The following DYM variants were observed in gnomAD, a reference collection of about 807,000 sequenced individuals.
DYM encodes dymeclin.
In DYM, 78 loss-of-function variants were observed where a neutral mutation model predicts 93.1. The ratio of observed to expected loss-of-function variants is 0.84; its 90% CI spans 0.70 to 1.01. The LOEUF (loss-of-function observed/expected upper bound fraction) is 1.01, where lower values mean the gene tolerates loss of function less well. Among genes scored for constraint, DYM ranks in the 50% least tolerant of loss-of-function variants. The pLI, the probability that DYM is intolerant of heterozygous loss-of-function variation, is 0.00. For missense variants in DYM, 789 were observed against 845.0 expected (o/e 0.93, Z 0.82); for synonymous variants, 321 against 319.7 (o/e 1.00, Z -0.04).
intron 13 of DYM, among the ~76,000 whole-genome samples, chr18:49,244,942 C>A (rs1801711293): frequency 6.6e-6 from 1 of 152,098 alleles, no homozygotes; most frequent in South Asian, 2.1e-4. Flanking sequence ...AATCAGGGAC[C>A]CGGAACAGAG....
chr18:49,398,502 G>A (rs1306815853), intron 2 of DYM, among the ~76,000 whole-genome samples: 1 of 152,196 alleles, frequency 6.6e-6, no homozygotes, highest in Non-Finnish European at 1.5e-5. Flanking sequence ...ATAGTTTAGG[G>A]CTGTGGGAGG....
intron 15 of DYM, among the ~76,000 whole-genome samples, chr18:49,121,421 T>A (rs1471218999): frequency 1.3e-5 from 2 of 152,040 alleles, no homozygotes; most frequent in African/African-American, 4.8e-5. Context: ...AAGAAATGCA[T>A]TAATATACAT....
chr18:49,236,362 C>T (rs988869109), intron 13 of DYM, among the ~76,000 whole-genome samples: 2 of 151,990 alleles, frequency 1.3e-5, no homozygotes, highest in Admixed American at 1.3e-4. Context: ...CGCCTGTAGT[C>T]CTAGCTACTC....
intron 5 of DYM, chr18:49,368,788 C>G (rs1041750486): frequency 6.6e-6 from 1 of 152,076 alleles, no homozygotes; most frequent in African/African-American, 2.4e-5. Context: ...AAGGTGATTC[C>G]AAAGAAAGAG....
At chr18:49,272,818 T>C (rs2094742321) in intron 10 of DYM, among the ~76,000 whole-genome samples, 1 of 152,166 alleles carries the variant, frequency 6.6e-6, no homozygotes, top group African/African-American at 2.4e-5. Flanking sequence ...CTCTTCAGTA[T>C]ATCTATCAAA....
At chr18:49,080,960 G>A (rs1401839684) in intron 17 of DYM, among the ~76,000 whole-genome samples, 1 of 151,592 alleles carries the variant, frequency 6.6e-6, no homozygotes, top group African/African-American at 2.4e-5. Flanking sequence ...GCGGGGAAGA[G>A]GTGCTCCTCA....
Position 49,316,778 on chromosome 18 carries a change from C to A in DYM, c.763+15086G>T, listed in dbSNP as rs528705756. ...TTACTATCTCTCTTTTTTTTTTGCA[C>A]TTTCCAGAATGTCATATAATTTGAA... is the stretch of plus-strand genomic sequence containing the variant. On this transcript the variant is annotated intron_variant, in intron 8 of 17. Transcript: ENST00000675505. 1.7e-4 allele frequency among the ~76,000 whole-genome samples: 26 copies of A among 151,756 alleles called. No homozygotes were observed. The South Asian group carries it at 5.0e-3, about 29-fold the overall frequency.
chr18:49,334,663 T>C (rs2063538506), intron 6 of DYM, among the ~76,000 whole-genome samples: 1 of 152,190 alleles, frequency 6.6e-6, no homozygotes, highest in African/African-American at 2.4e-5. Flanking sequence ...AAAATATTTT[T>C]ATAAAAATGA....
intron 2 of DYM, among the ~76,000 whole-genome samples, chr18:49,402,865 G>A (rs185971057): frequency 1.3e-5 from 2 of 152,242 alleles, no homozygotes; most frequent in African/African-American, 4.8e-5. Flanking sequence ...AATGGAAAGC[G>A]ATCGATTTTT....
At chr18:49,271,978 T>C (rs1599032528) in intron 11 of DYM, among the ~76,000 whole-genome samples, 200 bp downstream of exon 11, 1 of 144,696 alleles carries the variant, frequency 6.9e-6, no homozygotes, top group Non-Finnish European at 1.5e-5. Context: ...TTTGAGAGAG[T>C]TTTTAATAGT....
At chr18:49,169,282 G>C (rs1174617016) in intron 14 of DYM, among the ~76,000 whole-genome samples, 3 of 152,212 alleles carry the variant, frequency 2.0e-5, no homozygotes, top group African/African-American at 4.8e-5. Flanking sequence ...CAATCACTTT[G>C]GGAGATGATG....
chr18:49,219,699 T>G (rs1282751333), intron 13 of DYM, among the ~76,000 whole-genome samples: 1 of 152,038 alleles, frequency 6.6e-6, no homozygotes, highest in Non-Finnish European at 1.5e-5. Context: ...TTTGACAAAA[T>G]TTAACAACAC....
At chr18:49,420,165 G>GTTTTT (rs58141815) in intron 2 of DYM, among the ~76,000 whole-genome samples, 2 of 109,018 alleles carry the variant, frequency 1.8e-5, no homozygotes, top group Non-Finnish European at 3.9e-5. Flanking sequence ...GTTAAAATTC[G>GTTTTT]TTTTTTTTTT....
At chr18:49,051,651 C>T (rs2072459044) in intron 17 of DYM, among the ~76,000 whole-genome samples, 1 of 152,202 alleles carries the variant, frequency 6.6e-6, no homozygotes, top group South Asian at 2.1e-4. Flanking sequence ...TGACAATAGA[C>T]ATTTTTAAAG....
At chr18:49,392,266 T>C (rs1599869737) in intron 2 of DYM, among the ~76,000 whole-genome samples, 1 of 151,936 alleles carries the variant, frequency 6.6e-6, no homozygotes, top group Admixed American at 6.6e-5. Context: ...AGAAAATATG[T>C]TTCTTGAGAT....
intron 2 of DYM, among the ~76,000 whole-genome samples, chr18:49,417,425 CA>C: frequency 6.6e-6 from 1 of 152,246 alleles, no homozygotes; most frequent in East Asian, 1.9e-4. Flanking sequence ...GCTGGGAATA[CA>C]GGGATGAACC....
In DYM at chr18:49,398,747, T is replaced by C. The variant is rs537584878; in HGVS notation, c.141-7102A>G. On this transcript the variant is annotated intron_variant, in intron 2 of 17. Transcript: ENST00000675505. ...TCTGGCATATAGTAAGTAAAACTGA[T>C]TTTTGTTGACAACCAGAAGACTTCT... is the stretch of plus-strand genomic sequence containing the variant. Among the ~76,000 whole-genome samples the C allele has an allele frequency of 7.2e-5, 11 of 152,312 alleles. No individual in the cohort carries two copies. The East Asian group carries it at 2.1e-3, about 29-fold the overall frequency.
chr18:49,162,631 C>T lies in DYM; in HGVS notation c.1728+1054G>A, dbSNP rs373957379. 1.7e-4 allele frequency among the ~76,000 whole-genome samples: 26 copies of T among 152,268 alleles called. No homozygotes were observed. In the South Asian group the frequency reaches 4.6e-3, roughly 27 times the overall value. ...ATGAGTTTTGGATGGCACATTCAAC[C>T]GTAGCAGTTGGTAATAAACTCTTCG... On this transcript the variant is annotated intron_variant, in intron 15 of 17. Coordinates refer to ENST00000675505, the MANE Select transcript of DYM (RefSeq NM_001353214.3).
intron 6 of DYM, among the ~76,000 whole-genome samples, chr18:49,359,149 G>A (rs1429503814): frequency 6.6e-6 from 1 of 152,156 alleles, no homozygotes; most frequent in Non-Finnish European, 1.5e-5. Flanking sequence ...TTAGTGTCTT[G>A]AGGAAAATAC....
Sources: allele counts gnomAD v4.1 joint callset (sites outside exome capture counted in the v4.1 genomes callset), GRCh38; gene constraint gnomAD v4.1.1; transcripts MANE v1.5; gene names NCBI Gene and HGNC (gene_info 2026-07-23, HGNC 2026-07-21).